Variants in HPCA observed in about 807,000 individuals in gnomAD.
HPCA encodes neuron-specific calcium-binding protein hippocalcin.
In HPCA, 4 loss-of-function variants were observed where a neutral mutation model predicts 18.2. The ratio of observed to expected loss-of-function variants is 0.22; its 90% CI spans 0.11 to 0.50. The LOEUF (loss-of-function observed/expected upper bound fraction) is 0.50. Among genes scored for constraint, HPCA ranks in the 20% least tolerant of loss-of-function variants. HPCA has a pLI of 0.97. For synonymous variants in HPCA, 93 were observed against 103.5 expected (o/e 0.90, Z 0.61); for missense variants, 161 against 265.8 (o/e 0.61, Z 2.74).
Position 32,889,372 on chromosome 1 carries a change from G to A in HPCA, c.378+96G>A. On this transcript the variant is annotated intron_variant, in intron 2 of 3. Coordinates refer to ENST00000373467, the MANE Select transcript of HPCA (RefSeq NM_002143.3). This position sits in a 1 kb window ranked among gnomAD's most constrained non-coding sequence, Gnocchi z 4.6. ...CTCTCAGCAGACCTCGTAGGCATGT[G>A]GTGGCAGGGGATATTCTTGCAATCC... 4 of 1,275,136 alleles carry A rather than the reference G, an allele frequency of 3.1e-6. No homozygotes were observed. The highest frequency in any genetic ancestry group is 3.2e-6 in the Non-Finnish European group (3 of 933,222). 79.0% of individuals were successfully genotyped at this position (1,275,136 alleles called of 1,614,324 possible).
At chr1:32,890,861 A>T (rs749048616) in intron 2 of HPCA, among the ~76,000 whole-genome samples, 1 of 152,080 alleles carries the variant, frequency 6.6e-6, no homozygotes, top group South Asian at 2.1e-4. Context: ...ATGGCTAGAG[A>T]GGGGAAAGCC....
rs1272133393 is a variant in HPCA, at chr1:32,889,863, C to G, written c.378+587C>G. On this transcript the variant is annotated intron_variant, in intron 2 of 3. Transcript: ENST00000373467. The surrounding 1 kb of genome is among the most constrained non-coding windows in gnomAD (Gnocchi z 4.6). ...CTTTATCTTTTATGAATTGACATTTCTGCAGAGCACAGTCCAGCTATGTCT... is the reference window on the plus strand; with the variant it reads ...CTTTATCTTTTATGAATTGACATTTGTGCAGAGCACAGTCCAGCTATGTCT... 6.6e-6 allele frequency among the ~76,000 whole-genome samples: 1 copy of G among 152,166 alleles called. No homozygotes were observed. Among genetic ancestry groups the G allele is most frequent in the Non-Finnish European group, 1.5e-5 (1 of 68,044 alleles).
intron 2 of HPCA, among the ~76,000 whole-genome samples, chr1:32,891,858 C>T (rs1277919221): frequency 6.6e-6 from 1 of 152,166 alleles, no homozygotes; most frequent in Non-Finnish European, 1.5e-5. Context: ...GCTAAAGGCC[C>T]TGCTGATTAT....
chr1:32,891,796 G>T (rs762284960), intron 2 of HPCA, among the ~76,000 whole-genome samples: 1 of 152,170 alleles, frequency 6.6e-6, no homozygotes, highest in African/African-American at 2.4e-5. Flanking sequence ...GTGATATCCA[G>T]TCACAACTGT....
In HPCA at chr1:32,893,239, T is replaced by C. The variant is rs1254767794; in HGVS notation, c.379-285T>C. On this transcript the variant is annotated intron_variant, in intron 2 of 3. Coordinates refer to ENST00000373467, the MANE Select transcript of HPCA (RefSeq NM_002143.3). This position sits in a 1 kb window ranked among gnomAD's most constrained non-coding sequence, Gnocchi z 7.5. ...CCCCGGTGTCCTCCAACATCTCTCCTGACCCCTGCGCCCGCTCGGAGCTTC... is the reference window on the plus strand; with the variant it reads ...CCCCGGTGTCCTCCAACATCTCTCCCGACCCCTGCGCCCGCTCGGAGCTTC... Among the ~76,000 whole-genome samples, 2 of 151,990 alleles carry C rather than the reference T, an allele frequency of 1.3e-5. No individual in the cohort carries two copies.
rs530538632 is a variant in HPCA at position 32,893,077 on chromosome 1, C to G, written c.379-447C>G. On this transcript the variant is annotated intron_variant, in intron 2 of 3. Transcript: ENST00000373467. This position sits in a 1 kb window ranked among gnomAD's most constrained non-coding sequence, Gnocchi z 7.5. ...ACGGCCCCGCAGCGCAGTGCCGCCCCCTTGGCCCGGCGCCCCCTTTCGACC... is the reference window on the plus strand; with the variant it reads ...ACGGCCCCGCAGCGCAGTGCCGCCCGCTTGGCCCGGCGCCCCCTTTCGACC... 2.2e-3 allele frequency among the ~76,000 whole-genome samples: 342 copies of G among 152,030 alleles called. 1 individual carries two copies. The highest frequency in any genetic ancestry group is 7.7e-3 in the African/African-American group (321 of 41,514).
chr1:32,887,892 G>A (rs554097767), intron 1 of HPCA, among the ~76,000 whole-genome samples: 3 of 152,038 alleles, frequency 2.0e-5, no homozygotes, highest in South Asian at 4.2e-4. Flanking sequence ...AGGGAATGTC[G>A]TCATGTGTGG....
At position 32,894,156 on chromosome 1, in the gene HPCA, A is replaced by C; in HGVS notation, c.*294A>C. On this transcript the variant is annotated 3_prime_UTR_variant, in exon 4 of 4. Transcript: ENST00000373467. Reference sequence around the variant, plus strand: ...AGCCCCAAGGCCCGACCCCTCCCCCAAAGGGGCAGTCCCCTTCTTGCAGGT... The same window carrying C: ...AGCCCCAAGGCCCGACCCCTCCCCCCAAGGGGCAGTCCCCTTCTTGCAGGT... 2.5e-6 allele frequency: 1 copy of C among 400,372 alleles called. No homozygotes were observed. The highest frequency in any genetic ancestry group is 4.5e-6 in the Non-Finnish European group (1 of 221,484). 24.8% of individuals were successfully genotyped at this position (400,372 alleles called of 1,614,324 possible).
In HPCA at chr1:32,893,451, G is replaced by C; in HGVS notation, c.379-73G>C. ...GGGCAGCAAACGTCAGAGAGCCCGG[G>C]GGCGCCTCTGAATCTTGCGGGTGGG... On this transcript the variant is annotated intron_variant, in intron 2 of 3. Transcript: ENST00000373467. The surrounding 1 kb of genome is among the most constrained non-coding windows in gnomAD (Gnocchi z 7.5). 1.9e-6 allele frequency: 2 copies of C among 1,060,854 alleles called. No homozygotes were observed. Among genetic ancestry groups the C allele is most frequent in the Non-Finnish European group, 2.9e-6 (2 of 696,820 alleles). 65.7% of individuals were successfully genotyped at this position (1,060,854 alleles called of 1,614,324 possible).
At chr1:32,888,584 G>A (rs1386964880) in intron 1 of HPCA, among the ~76,000 whole-genome samples, 1 of 152,206 alleles carries the variant, frequency 6.6e-6, no homozygotes, top group East Asian at 1.9e-4. Flanking sequence ...GTGAATTGGT[G>A]TGCATTTGTG....
chr1:32,894,075 T>C lies in HPCA; in HGVS notation c.*213T>C, dbSNP rs116365871. The stretch of plus-strand genomic sequence containing the variant: ...CACCCCCCAATCCCAGAGGCAACAA[T>C]AGAGACACAGGCTGGGTTGGTCTGC... On this transcript the variant is annotated 3_prime_UTR_variant, in exon 4 of 4. Transcript: ENST00000373467. 5.5e-3 allele frequency: 3,096 copies of C among 561,394 alleles called. 61 individuals carry two copies. Among genetic ancestry groups the C allele is most frequent in the African/African-American group, 0.049 (2,604 of 53,188 alleles). The allele number at this position is 561,394 out of a possible 1,614,324, so 34.8% of individuals were successfully genotyped here. A position where few individuals can be genotyped will look rare whatever the true frequency, so the allele number is the denominator to read the frequency against.
Position 32,893,615 on chromosome 1 carries a change from A to C in HPCA, c.470A>C (p.Asp157Ala). ...KRTEKIFRQM[D>A]TNNDGKLSLE... Reference sequence around the variant, plus strand: ...ACTGAGAAAATCTTCCGCCAAATGGACACAAACAACGACGGTGAGGGGCAG... The same window carrying C: ...ACTGAGAAAATCTTCCGCCAAATGGCCACAAACAACGACGGTGAGGGGCAG... The change falls in exon 3 of 4, where the codon GAC (aspartate) becomes GCC (alanine). Residue 157 changes from aspartate (D) to alanine (A), a missense_variant. Asp to Ala is a moderately radical substitution (Grantham distance 126). Transcript: ENST00000373467. The surrounding 1 kb of genome is among the most constrained non-coding windows in gnomAD (Gnocchi z 7.5). 1.2e-6 allele frequency: 2 copies of C among 1,611,090 alleles called. No individual in the cohort carries two copies. The highest frequency in any genetic ancestry group is 1.7e-6 in the Non-Finnish European group (2 of 1,177,382).
intron 2 of HPCA, among the ~76,000 whole-genome samples, chr1:32,892,554 C>T (rs1007772019): frequency 3.3e-5 from 5 of 152,008 alleles, no homozygotes; most frequent in Non-Finnish European, 7.4e-5. Context: ...CTGTGTGTGA[C>T]GGGAGTGAGG....
intron 2 of HPCA, among the ~76,000 whole-genome samples, chr1:32,891,042 C>A (rs950797470): frequency 2.6e-5 from 4 of 152,234 alleles, no homozygotes; most frequent in African/African-American, 9.6e-5. Flanking sequence ...TGGCATTTTA[C>A]CACTTAGTGT....
intron 2 of HPCA, among the ~76,000 whole-genome samples, chr1:32,891,512 C>T (rs1570020671): frequency 6.6e-6 from 1 of 152,210 alleles, no homozygotes; most frequent in Admixed American, 6.5e-5. Flanking sequence ...ATCTGGGAAC[C>T]AGGGGACTAC....
Position 32,889,044 on chromosome 1 carries a change from A to G in HPCA, c.146A>G (p.Lys49Arg). 6.2e-7 allele frequency: 1 copy of G among 1,614,214 alleles called. No individual in the cohort carries two copies. Among genetic ancestry groups the G allele is most frequent in the Non-Finnish European group, 8.5e-7 (1 of 1,180,026 alleles). Residue 49 changes from lysine to arginine, a missense_variant, in exon 2 of 4, where the codon AAG becomes AGG. Transcript: ENST00000373467. The surrounding 1 kb of genome is among the most constrained non-coding windows in gnomAD (Gnocchi z 4.6). The stretch of plus-strand genomic sequence containing the variant: ...GGAATCCTCAATGTGGATGAGTTCA[A>G]GAAGATCTACGCCAACTTCTTTCCC... ...PTGILNVDEF[K>R]KIYANFFPYG...
chr1:32,886,518 G>A lies in HPCA; in HGVS notation c.-22+3G>A, dbSNP rs1641371366. On this transcript the variant is annotated splice_donor_region_variant and intron_variant, in intron 1 of 3. Coordinates refer to ENST00000373467, the MANE Select transcript of HPCA (RefSeq NM_002143.3). This position sits in a 1 kb window ranked among gnomAD's most constrained non-coding sequence, Gnocchi z 7.0. ...AGTCGGTGTCTCCGCGTCGCTGGGTGAGTGGGGGCAGCTCCAGCCGGGGCC... is the reference window on the plus strand; with the variant it reads ...AGTCGGTGTCTCCGCGTCGCTGGGTAAGTGGGGGCAGCTCCAGCCGGGGCC... 6.6e-6 allele frequency: 1 copy of A among 152,372 alleles called. No homozygotes were observed. The highest frequency in any genetic ancestry group is 6.5e-5 in the Admixed American group (1 of 15,310). 9.4% of individuals were successfully genotyped at this position (152,372 alleles called of 1,614,324 possible).
rs964582585 is a variant in HPCA at position 32,886,894 on chromosome 1, G to A, written c.-22+379G>A. Among the ~76,000 whole-genome samples, 1 of 152,282 alleles carries A rather than the reference G, an allele frequency of 6.6e-6. No homozygotes were observed. ...GGTTCTTCCCATATGGGGGACTGGA[G>A]GTCTTTGCGGGCAGCTGAATCTTCT... On this transcript the variant is annotated intron_variant, in intron 1 of 3. Coordinates refer to ENST00000373467, the MANE Select transcript of HPCA (RefSeq NM_002143.3). This position sits in a 1 kb window ranked among gnomAD's most constrained non-coding sequence, Gnocchi z 7.0.
intron 2 of HPCA, among the ~76,000 whole-genome samples, chr1:32,891,941 A>G (rs751637225): frequency 1.3e-5 from 2 of 152,160 alleles, no homozygotes; most frequent in Non-Finnish European, 2.9e-5. Flanking sequence ...CTCTGCCATC[A>G]ATTTCCTTCT....
Sources: gnomAD v4.1 joint callset for allele counts (sites outside exome capture counted in the v4.1 genomes callset) on GRCh38, gnomAD v4.1.1 for gene constraint, Gnocchi (gnomAD v3.1) non-coding constraint, MANE v1.5 for transcripts, NCBI Gene and HGNC (gene_info 2026-07-23, HGNC 2026-07-21) for gene names.